DPF3: variants seen among roughly 807,000 people sequenced by gnomAD.
The protein encoded by DPF3 is zinc finger protein DPF3.
Under a neutral mutation model 56.8 loss-of-function variants are expected in DPF3, and 18 were observed. That is an observed-to-expected ratio of 0.32 (90% CI 0.22 to 0.47). DPF3 has a LOEUF of 0.47. Ranked by LOEUF, DPF3 falls within the 20% of genes least tolerant of loss-of-function variation. DPF3 has a pLI of 1.00. For missense variants in DPF3, 403 were observed against 488.8 expected, an observed-to-expected ratio of 0.82 and a Z score of 1.65; for synonymous variants, 188 against 180.2, an observed-to-expected ratio of 1.04 and a Z score of -0.35.
chr14:72,690,088 G>A (rs1387197225), intron 7 of DPF3, among the ~76,000 whole-genome samples: 1 of 152,186 alleles, frequency 6.6e-6, no homozygotes, highest in Non-Finnish European at 1.5e-5. Flanking sequence ...AGAAAAAGGG[G>A]AGGGGGAGTT....
chr14:72,774,262 TAA>T lies in DPF3; in HGVS notation c.33-2371_33-2370del, dbSNP rs777564213. Among the ~76,000 whole-genome samples, 427 of 60,982 alleles carry T rather than the reference TAA, an allele frequency of 7.0e-3. 1 individual carries two copies. Among genetic ancestry groups the T allele is most frequent in the Non-Finnish European group, 0.01 (352 of 33,924 alleles). The allele number at this position is 60,982 out of a possible 152,430, so 40.0% of individuals were successfully genotyped here. A position where few individuals can be genotyped will look rare whatever the true frequency, so the allele number is the denominator to read the frequency against. Reference sequence around the variant, plus strand: ...CTGGGCGACAGGGTGAGACTCTGTCTAAAAAAAAAAAAAAAAAAAAAAAAAAA... The same window carrying T: ...CTGGGCGACAGGGTGAGACTCTGTCTAAAAAAAAAAAAAAAAAAAAAAAAA... On this transcript the variant is annotated intron_variant, in intron 1 of 10. Coordinates refer to ENST00000556509, the MANE Select transcript of DPF3 (RefSeq NM_001280542.3).
rs1410666324 is a variant in DPF3 at position 72,610,358 on chromosome 14, G to T, written c.*8939C>A. 6.6e-6 allele frequency among the ~76,000 whole-genome samples: 1 copy of T among 152,148 alleles called. No individual in the cohort carries two copies. Among genetic ancestry groups the T allele is most frequent in the Admixed American group, 6.5e-5 (1 of 15,284 alleles). ...GGACCTGGTCATCCTTCCTACCATA[G>T]GAGCCACCTGCCAAAGCCCACCCAG... On this transcript the variant is annotated 3_prime_UTR_variant, in exon 11 of 11. Coordinates refer to ENST00000556509, the MANE Select transcript of DPF3 (RefSeq NM_001280542.3).
At chr14:72,838,756 C>CAAA (rs71109752) in intron 1 of DPF3, among the ~76,000 whole-genome samples, 2 of 145,542 alleles carry the variant, frequency 1.4e-5, no homozygotes, top group Non-Finnish European at 1.5e-5. Flanking sequence ...GACTCCGTCT[C>CAAA]AAAAAAAAAA....
chr14:72,823,638 A>G (rs1883654839), intron 1 of DPF3, among the ~76,000 whole-genome samples: 1 of 152,202 alleles, frequency 6.6e-6, no homozygotes, highest in Non-Finnish European at 1.5e-5. Context: ...CCCAAGACTA[A>G]GAATTCTTTC....
chr14:72,792,863 C>T (rs919424642), intron 1 of DPF3, among the ~76,000 whole-genome samples: 15 of 151,944 alleles, frequency 9.9e-5, no homozygotes, highest in African/African-American at 3.4e-4. Flanking sequence ...AGGGGAATGG[C>T]TCCCACAACA....
At chr14:72,765,787 A>C (rs1891258582) in intron 2 of DPF3, among the ~76,000 whole-genome samples, 2 of 152,144 alleles carry the variant, frequency 1.3e-5, no homozygotes, top group South Asian at 4.1e-4. Context: ...CTCTACTAAA[A>C]ATACAAAAAT....
At chr14:72,665,127 C>T (rs965171174) in intron 8 of DPF3, among the ~76,000 whole-genome samples, 9 of 151,880 alleles carry the variant, frequency 5.9e-5, no homozygotes, top group African/African-American at 2.2e-4. Flanking sequence ...TGGCTTCCTC[C>T]AAGAAAATCT....
chr14:72,750,093 TTATA>T (rs1178479125), intron 3 of DPF3, among the ~76,000 whole-genome samples: 1 of 152,144 alleles, frequency 6.6e-6, no homozygotes, highest in Non-Finnish European at 1.5e-5. Context: ...TTTTAATAAT[TTATA>T]TATTAGTTTT....
intron 1 of DPF3, among the ~76,000 whole-genome samples, chr14:72,809,327 G>T (rs1882929335): frequency 6.6e-6 from 1 of 152,272 alleles, no homozygotes; most frequent in South Asian, 2.1e-4. Context: ...TGGGCTGCCT[G>T]GCCCTGGCCA....
intron 2 of DPF3, among the ~76,000 whole-genome samples, chr14:72,761,603 A>C (rs1466285183): frequency 6.6e-6 from 1 of 152,008 alleles, no homozygotes; most frequent in Non-Finnish European, 1.5e-5. Flanking sequence ...TGTAGTAGAA[A>C]AGAAATATCT....
intron 3 of DPF3, among the ~76,000 whole-genome samples, chr14:72,736,539 G>A (rs2139866465): frequency 6.6e-6 from 1 of 152,292 alleles, no homozygotes; most frequent in East Asian, 1.9e-4. Context: ...AGCATGATGG[G>A]TAAGGCCTGC....
intron 1 of DPF3, among the ~76,000 whole-genome samples, chr14:72,885,420 G>A (rs111561894): frequency 0.033 from 4,926 of 151,358 alleles, 262 homozygotes; most frequent in African/African-American, 0.11. Flanking sequence ...TTTGAGATAA[G>A]GTCTTGCTCT....
intron 8 of DPF3, chr14:72,661,816 CTG>C: frequency 1.0e-6 from 1 of 982,162 alleles, no homozygotes; most frequent in South Asian, 4.7e-5. Flanking sequence ...TGTTAGGTGA[CTG>C]AACTAATATC....
At chr14:72,635,038 G>A (rs1885347781) in intron 8 of DPF3, among the ~76,000 whole-genome samples, 1 of 152,204 alleles carries the variant, frequency 6.6e-6, no homozygotes, top group Admixed American at 6.5e-5. Flanking sequence ...GGTCAGTGGT[G>A]AACTTGGTGT....
chr14:72,756,353 C>T (rs1475655048), intron 2 of DPF3, among the ~76,000 whole-genome samples: 1 of 152,212 alleles, frequency 6.6e-6, no homozygotes, highest in Admixed American at 6.5e-5. Flanking sequence ...ATGGAAATAC[C>T]TGGCATTGAA....
chr14:72,686,530 C>T (rs557468552), intron 7 of DPF3, among the ~76,000 whole-genome samples: 9 of 152,350 alleles, frequency 5.9e-5, no homozygotes, highest in Admixed American at 3.9e-4. Context: ...TGACCAACTC[C>T]ACAGCCATTC....
intron 1 of DPF3, among the ~76,000 whole-genome samples, chr14:72,849,842 G>A (rs1182327889): frequency 6.6e-6 from 1 of 152,208 alleles, no homozygotes; most frequent in Non-Finnish European, 1.5e-5. Context: ...TTTAGGCTGG[G>A]CACAGTGGCT....
At chr14:72,715,942 C>T (rs1020439739) in intron 5 of DPF3, among the ~76,000 whole-genome samples, 1 of 151,082 alleles carries the variant, frequency 6.6e-6, no homozygotes, top group African/African-American at 2.4e-5. Context: ...CTGGCAGTCA[C>T]CCCGGGCACT....
intron 1 of DPF3, among the ~76,000 whole-genome samples, chr14:72,848,980 A>G (rs910016170): frequency 7.9e-5 from 12 of 152,182 alleles, no homozygotes; most frequent in African/African-American, 2.4e-4. Context: ...TTTTCATTCA[A>G]TTCTCACAAT....
Sources: gnomAD v4.1 joint callset for allele counts (sites outside exome capture counted in the v4.1 genomes callset) on GRCh38, gnomAD v4.1.1 for gene constraint, MANE v1.5 for transcripts, NCBI Gene and HGNC (gene_info 2026-07-23, HGNC 2026-07-21) for gene names.